The following DNAAF5 variants were observed in gnomAD, a reference collection of about 807,000 sequenced individuals.
DNAAF5 encodes the protein HEAT repeat containing 2.
A neutral mutation model predicts 75.8 loss-of-function variants in DNAAF5; 64 were observed. The observed-to-expected ratio is 0.84, with a 90% confidence interval of 0.69 to 1.04. The LOEUF (loss-of-function observed/expected upper bound fraction) is 1.04, where lower values mean the gene tolerates loss of function less well. Among genes scored for constraint, DNAAF5 ranks in the 50% least tolerant of loss-of-function variants. The pLI is 0.00. For synonymous variants in DNAAF5, 657 were observed against 557.2 expected (o/e 1.18, Z -2.52); for missense variants, 1,269 against 1,178.5 (o/e 1.08, Z -1.12).
intron 7 of DNAAF5, 143 bp downstream of exon 7, chr7:762,039 C>G (rs562126206): frequency 1.2e-5 from 4 of 339,588 alleles, no homozygotes; most frequent in African/African-American, 8.5e-5. Context: ...GCGGGTGAGT[C>G]CCCGGGCAAC....
intron 2 of DNAAF5, among the ~76,000 whole-genome samples, chr7:732,388 G>A (rs4072597): frequency 0.47 from 70,984 of 152,152 alleles, 16,734 homozygotes; most frequent in African/African-American, 0.49. Context: ...CCTCAGGTGG[G>A]TGACTCATGG....
rs957096760 is a variant in DNAAF5, at chr7:727,107, G to A, written c.387G>A (p.Val129=). The A allele has an allele frequency of 4.5e-6, 5 of 1,099,212 alleles. No individual in the cohort carries two copies. The highest frequency in any genetic ancestry group is 5.5e-6 in the Non-Finnish European group (5 of 906,378). 68.1% of individuals were successfully genotyped at this position (1,099,212 alleles called of 1,614,324 possible). The change falls in exon 1 of 13, where the codon GTG becomes GTA. Residue 129 remains valine (V), a synonymous_variant. Coordinates refer to ENST00000297440, the MANE Select transcript of DNAAF5 (RefSeq NM_017802.4). The part of the protein sequence containing the change: ...PALAARLAGP[V]PARRPPEACE... ...TCGCCGCGCGCTTGGCCGGCCCCGT[G>A]CCCGCGCGCCGCCCGCCCGAGGCCT...
At chr7:751,734 G>A (rs1054125990) in intron 4 of DNAAF5, among the ~76,000 whole-genome samples, 3 of 151,854 alleles carry the variant, frequency 2.0e-5, no homozygotes, top group African/African-American at 4.8e-5. Context: ...CAGCACGACC[G>A]GCTTATTTTT....
chr7:779,793 T>C (rs1446079985), intron 11 of DNAAF5, 160 bp from the exon 12 acceptor site: 3 of 635,764 alleles, frequency 4.7e-6, no homozygotes, highest in African/African-American at 3.7e-5. Context: ...AGGAGCACCT[T>C]GCATGTGGCT....
chr7:779,376 G>GGGGGTGCC (rs1778863349), intron 11 of DNAAF5, among the ~76,000 whole-genome samples: 9 of 152,236 alleles, frequency 5.9e-5, no homozygotes, highest in Non-Finnish European at 1.0e-4. Context: ...ATGCTGCACA[G>GGGGGTGCC]AAGGGGGTGC....
intron 2 of DNAAF5, among the ~76,000 whole-genome samples, chr7:740,441 C>T (rs1379597108): frequency 1.3e-5 from 2 of 152,210 alleles, no homozygotes; most frequent in Non-Finnish European, 2.9e-5. Flanking sequence ...AGGCCCAGCC[C>T]GGCCAGGAGG....
intron 6 of DNAAF5, among the ~76,000 whole-genome samples, chr7:759,650 G>A (rs1782585031): frequency 1.3e-5 from 2 of 152,184 alleles, no homozygotes; most frequent in African/African-American, 2.4e-5. Flanking sequence ...TGCGTTGTAT[G>A]TAGGCAGACA....
intron 2 of DNAAF5, among the ~76,000 whole-genome samples, chr7:732,325 A>T (rs1042654668): frequency 1.3e-5 from 2 of 152,238 alleles, no homozygotes; most frequent in Admixed American, 6.5e-5. Context: ...GGCAGGACGG[A>T]CGTATGGCCG....
At chr7:768,312 GCGAGCAGGAGC>G (rs1778414961) in intron 8 of DNAAF5, among the ~76,000 whole-genome samples, 1 of 149,742 alleles carries the variant, frequency 6.7e-6, no homozygotes, top group African/African-American at 2.5e-5. Flanking sequence ...TGTCCGTGCT[GCGAGCAGGAGC>G]TCTCGCTGGG....
rs1481623803 is a variant in DNAAF5, at chr7:779,937, C to G, written c.2240-16C>G. On this transcript the variant is annotated splice_polypyrimidine_tract_variant and intron_variant, in intron 11 of 12. Coordinates refer to ENST00000297440, the MANE Select transcript of DNAAF5 (RefSeq NM_017802.4). ...CTGCTCTAGACTCACACACCTGTCT[C>G]GCTCCCTCCTTCCAGAACTCTTAAA... The G allele has an allele frequency of 1.2e-6, 2 of 1,610,814 alleles. No individual in the cohort carries two copies. The highest frequency in any genetic ancestry group is 1.7e-4 in the Middle Eastern group (1 of 6,022).
At position 756,765 on chromosome 7, in the gene DNAAF5, A is replaced by T; in HGVS notation, c.1258-17A>T. 1 of 1,609,540 alleles carries T rather than the reference A, an allele frequency of 6.2e-7. No individual in the cohort carries two copies. The highest frequency in any genetic ancestry group is 1.3e-5 in the African/African-American group (1 of 74,932). ...CTCGGGTTTGGCTCTGAGTTTTCTC[A>T]TGTTTCTTTCTCGCAGTGTACCAGA... On this transcript the variant is annotated splice_polypyrimidine_tract_variant and intron_variant, in intron 5 of 12. Transcript: ENST00000297440.
intron 4 of DNAAF5, among the ~76,000 whole-genome samples, chr7:747,790 G>A (rs1782172765): frequency 1.2e-4 from 2 of 16,694 alleles, no homozygotes; most frequent in African/African-American, 4.6e-4. Context: ...TGGTTTCAGC[G>A]TGTCCGGCTG....
intron 4 of DNAAF5, among the ~76,000 whole-genome samples, chr7:749,823 C>G (rs186335165): frequency 2.8e-4 from 42 of 152,228 alleles, no homozygotes; most frequent in African/African-American, 8.7e-4. Context: ...CTCAGCCTCC[C>G]GAGTAGCTGT....
chr7:758,393 T>G (rs1486132998), intron 6 of DNAAF5, among the ~76,000 whole-genome samples: 1 of 152,230 alleles, frequency 6.6e-6, no homozygotes, highest in Non-Finnish European at 1.5e-5. Flanking sequence ...GCTCCCCATC[T>G]TCCAGTTTTA....
At chr7:776,666 G>A (rs1778770540) in intron 11 of DNAAF5, among the ~76,000 whole-genome samples, 1 of 152,196 alleles carries the variant, frequency 6.6e-6, no homozygotes, top group Non-Finnish European at 1.5e-5. Flanking sequence ...ACTGGGGAGG[G>A]GAATGGGGTG....
chr7:756,903 T>A lies in DNAAF5; in HGVS notation c.1379T>A (p.Met460Lys), dbSNP rs770606957. The A allele has an allele frequency of 6.2e-7, 1 of 1,612,212 alleles. No homozygotes were observed. The change falls in exon 6 of 13, where the codon ATG (methionine) becomes AAG (lysine). Residue 460 changes from methionine (M) to lysine (K), a missense_variant. By Grantham distance (95) the Met-to-Lys change is moderately conservative. Transcript: ENST00000297440. Reference sequence around the variant, plus strand: ...GGCCTCCTGGTGCTGGCCTCCGCCATGCGGGGTTGCCCCCGAGAAGCCCTC... The same window carrying A: ...GGCCTCCTGGTGCTGGCCTCCGCCAAGCGGGGTTGCCCCCGAGAAGCCCTC... The part of the protein sequence containing the change: ...ASGLLVLASA[M>K]RGCPREALQP...
chr7:761,305 A>T (rs548780434), intron 6 of DNAAF5, among the ~76,000 whole-genome samples: 2 of 152,260 alleles, frequency 1.3e-5, no homozygotes, highest in African/African-American at 4.8e-5. Flanking sequence ...CGTGAGCCGT[A>T]GACTAGGAGC....
chr7:731,791 G>A (rs529566837), intron 2 of DNAAF5, among the ~76,000 whole-genome samples: 15 of 152,094 alleles, frequency 9.9e-5, no homozygotes, highest in South Asian at 2.1e-4. Context: ...TGGGGTTTGC[G>A]TCCTATTAGA....
intron 8 of DNAAF5, among the ~76,000 whole-genome samples, chr7:766,232 C>A (rs1223197325): frequency 6.6e-6 from 1 of 152,220 alleles, no homozygotes; most frequent in African/African-American, 2.4e-5. Flanking sequence ...AAATATAATA[C>A]AATATTTCCA....
Sources: gnomAD v4.1 joint callset for allele counts (sites outside exome capture counted in the v4.1 genomes callset) on GRCh38, gnomAD v4.1.1 for gene constraint, MANE v1.5 for transcripts, NCBI Gene and HGNC (gene_info 2026-07-23, HGNC 2026-07-21) for gene names.